FREM1: variants seen among roughly 807,000 people sequenced by gnomAD.
The protein encoded by FREM1 is FRAS1-related extracellular matrix protein 1.
A neutral mutation model predicts 210.1 loss-of-function variants in FREM1; 220 were observed. The ratio of observed to expected loss-of-function variants is 1.05; its 90% confidence interval spans 0.94 to 1.17. The LOEUF (loss-of-function observed/expected upper bound fraction) is 1.17. FREM1 is among the 50% of genes most tolerant of loss of function. The pLI, the probability that FREM1 is intolerant of heterozygous loss-of-function variation, is 0.00. For synonymous variants in FREM1, 1,189 were observed against 980.2 expected, an observed-to-expected ratio of 1.21 and a Z score of -3.98; for missense variants, 3,454 against 2,675.5, an observed-to-expected ratio of 1.29 and a Z score of -6.42.
intron 8 of FREM1, among the ~76,000 whole-genome samples, chr9:14,844,147 A>G (rs905878433): frequency 6.6e-6 from 1 of 151,860 alleles, no homozygotes; most frequent in Non-Finnish European, 1.5e-5. Flanking sequence ...TCAATGCATT[A>G]TGGTCTCCCA....
chr9:14,749,889 AG>A (rs913050985), intron 30 of FREM1, among the ~76,000 whole-genome samples: 3 of 152,218 alleles, frequency 2.0e-5, no homozygotes, highest in Non-Finnish European at 4.4e-5. Flanking sequence ...ACAAACGGGT[AG>A]GAAAAAAACA....
intron 7 of FREM1, among the ~76,000 whole-genome samples, chr9:14,847,400 A>AAGGAAGAAAGGAAG (rs1491402972): frequency 2.9e-5 from 1 of 34,810 alleles, no homozygotes; most frequent in African/African-American, 9.6e-5. Context: ...AGAGAGAAAA[A>AAGGAAGAAAGGAAG]GAAGGAAGGA....
chr9:14,837,819 T>C (rs1193026687), intron 10 of FREM1, among the ~76,000 whole-genome samples: 1 of 152,196 alleles, frequency 6.6e-6, no homozygotes, highest in Non-Finnish European at 1.5e-5. Flanking sequence ...ATTATTGAAA[T>C]GCTTCATAAT....
chr9:14,799,648 G>C (rs1853135762), intron 20 of FREM1, among the ~76,000 whole-genome samples: 1 of 150,636 alleles, frequency 6.6e-6, no homozygotes, highest in Non-Finnish European at 1.5e-5. Context: ...TTTTTTCCTT[G>C]GTCAAATTTG....
At chr9:14,764,224 G>A (rs751669073) in intron 27 of FREM1, among the ~76,000 whole-genome samples, 21 of 152,268 alleles carry the variant, frequency 1.4e-4, no homozygotes, top group Middle Eastern at 3.4e-3. Flanking sequence ...CCATGCTTGT[G>A]AGTCCTCCCC....
At chr9:14,766,877 A>G (rs1303366900) in intron 27 of FREM1, among the ~76,000 whole-genome samples, 1 of 152,198 alleles carries the variant, frequency 6.6e-6, no homozygotes, top group African/African-American at 2.4e-5. Context: ...GATTCATCCC[A>G]GGATCAATTT....
intron 10 of FREM1, among the ~76,000 whole-genome samples, chr9:14,839,726 C>A (rs887291226): frequency 6.6e-6 from 1 of 151,978 alleles, no homozygotes; most frequent in Non-Finnish European, 1.5e-5. Context: ...AAATATATAA[C>A]AACGAAAGAA....
At chr9:14,758,097 G>A (rs1844762264) in intron 28 of FREM1, among the ~76,000 whole-genome samples, 1 of 152,094 alleles carries the variant, frequency 6.6e-6, no homozygotes, top group African/African-American at 2.4e-5. Flanking sequence ...TTCAAACCAG[G>A]GCAATCCACA....
At chr9:14,819,060 G>A (rs963805028) in intron 14 of FREM1, among the ~76,000 whole-genome samples, 174 bp downstream of exon 14, 4 of 152,156 alleles carry the variant, frequency 2.6e-5, no homozygotes, top group Non-Finnish European at 5.9e-5. Context: ...AAAATGTCTG[G>A]AGGGAAAGGA....
chr9:14,875,388 T>G (rs1423731305), intron 1 of FREM1, among the ~76,000 whole-genome samples: 1 of 152,194 alleles, frequency 6.6e-6, no homozygotes, highest in African/African-American at 2.4e-5. Flanking sequence ...TTATTCTTTT[T>G]TCTCTAAACT....
chr9:14,784,253 T>C lies in FREM1; in HGVS notation c.4442+117A>G, dbSNP rs10435762. 0.26 allele frequency: 229,875 copies of C among 895,610 alleles called. 30,569 individuals are homozygous for C. Among genetic ancestry groups the C allele is most frequent in the South Asian group, 0.32 (13,383 of 41,326 alleles). The allele number at this position is 895,610 out of a possible 1,614,324, so 55.5% of individuals were successfully genotyped here. A position where few individuals can be genotyped will look rare whatever the true frequency, so the allele number is the denominator to read the frequency against. ...TATAAATTTAAGGTATACAGCGTGA[T>C]GTTATAAGATACATGTATTTTGTGA... is the stretch of plus-strand genomic sequence containing the variant. On this transcript the variant is annotated intron_variant, in intron 24 of 36. Transcript: ENST00000380880.
chr9:14,870,986 A>T lies in FREM1; in HGVS notation c.-267-1742T>A, dbSNP rs561498856. On this transcript the variant is annotated intron_variant, in intron 1 of 36. Coordinates refer to ENST00000380880, the MANE Select transcript of FREM1 (RefSeq NM_001379081.2). ...ATGTCCCTACAAAGGACATGAACTCATCATTTTTTATGGCTGCATAGTATT... is the reference window on the plus strand; with the variant it reads ...ATGTCCCTACAAAGGACATGAACTCTTCATTTTTTATGGCTGCATAGTATT... Among the ~76,000 whole-genome samples the T allele has an allele frequency of 5.9e-5, 9 of 152,026 alleles. No individual in the cohort carries two copies. In the South Asian group the frequency reaches 1.7e-3, roughly 28 times the overall value.
At chr9:14,748,687 G>C in intron 30 of FREM1, 48 bp from the exon 31 acceptor site, 2 of 1,217,038 alleles carry the variant, frequency 1.6e-6, no homozygotes, top group Non-Finnish European at 2.4e-6. Context: ...TACACAAACA[G>C]ATAAGGTATC....
At chr9:14,871,691 T>G (rs76563694) in intron 1 of FREM1, among the ~76,000 whole-genome samples, 42,349 of 151,896 alleles carry the variant, frequency 0.28, 7,683 homozygotes, top group African/African-American at 0.52. Flanking sequence ...GTCTTTTGTT[T>G]CCATTGCTTT....
rs147158456 is a variant in FREM1 at position 14,867,139 on chromosome 9, C to T, written c.234+1605G>A. Among the ~76,000 whole-genome samples, 102 of 152,264 alleles carry T rather than the reference C, an allele frequency of 6.7e-4. 1 individual carries two copies. Among genetic ancestry groups the T allele is most frequent in the African/African-American group, 2.3e-3 (97 of 41,562 alleles). On this transcript the variant is annotated intron_variant, in intron 2 of 36. Transcript: ENST00000380880. The stretch of plus-strand genomic sequence containing the variant: ...CCACCCAAAGTACTGGAATTACAGG[C>T]GTAAGCTACTGCAACCAGCCTGCAT...
rs146685812 is a variant in FREM1 at position 14,878,125 on chromosome 9, G to T, written c.-267-8881C>A. On this transcript the variant is annotated intron_variant, in intron 1 of 36. Coordinates refer to ENST00000380880, the MANE Select transcript of FREM1 (RefSeq NM_001379081.2). ...TTTGATTAAATGTTACTTATACCAT[G>T]TCACTGCTCTGCTCAAAACTTCCAG... Among the ~76,000 whole-genome samples, 443 of 152,224 alleles carry T rather than the reference G, an allele frequency of 2.9e-3. 1 individual carries two copies. Among genetic ancestry groups the T allele is most frequent in the Middle Eastern group, 6.8e-3 (2 of 294 alleles).
At chr9:14,791,998 C>T (rs890423500) in intron 22 of FREM1, among the ~76,000 whole-genome samples, 6 of 151,930 alleles carry the variant, frequency 3.9e-5, no homozygotes, top group Non-Finnish European at 8.8e-5. Flanking sequence ...GTGTGTGCTG[C>T]CACACCCGGC....
rs1336583145 is a variant in FREM1, at chr9:14,816,791, AC to A, written c.2626del (p.Val876TyrfsTer16). The A allele has an allele frequency of 1.4e-6, 2 of 1,419,286 alleles. No individual in the cohort carries two copies. Among genetic ancestry groups the A allele is most frequent in the Admixed American group, 3.9e-5 (2 of 50,932 alleles). 87.9% of individuals were successfully genotyped at this position (1,419,286 alleles called of 1,614,324 possible). A position where few individuals can be genotyped will look rare whatever the true frequency, so the allele number is the denominator to read the frequency against. On this transcript the variant is annotated frameshift_variant, in exon 15 of 37. Transcript: ENST00000380880. LOFTEE classifies it high-confidence loss of function. Reference sequence around the variant, plus strand: ...CTTTCTACCCACCTCAACATGTAGTACAAATTCTGCTGAATTTGTGCCATCG... The same window carrying A: ...CTTTCTACCCACCTCAACATGTAGTAAAATTCTGCTGAATTTGTGCCATCG... ...VTDGTNSAEF[V>X]LHVEVFPVND...
intron 1 of FREM1, among the ~76,000 whole-genome samples, chr9:14,888,108 T>C (rs1025292743): frequency 6.6e-6 from 1 of 152,314 alleles, no homozygotes; most frequent in African/African-American, 2.4e-5. Context: ...AAAACCAACA[T>C]TTATACGTGT....
Sources: allele counts gnomAD v4.1 joint callset (sites outside exome capture counted in the v4.1 genomes callset), GRCh38; gene constraint gnomAD v4.1.1; transcripts MANE v1.5; gene names NCBI Gene and HGNC (gene_info 2026-07-23, HGNC 2026-07-21).